SYNE2: variants seen among roughly 807,000 people sequenced by gnomAD.
SYNE2 encodes the protein nesprin-2.
SYNE2 carries 431 observed loss-of-function variants against 856.3 expected under a neutral mutation model. The ratio of observed to expected loss-of-function variants is 0.50; its 90% CI spans 0.47 to 0.55. SYNE2 has a LOEUF of 0.55. SYNE2 is among the 20% of genes least tolerant of loss of function. SYNE2 has a pLI of 0.00. For synonymous variants in SYNE2, 2,923 were observed against 2,872.3 expected (o/e 1.02, Z -0.56); for missense variants, 8,129 against 8,023.2 (o/e 1.01, Z -0.50).
At chr14:64,155,375 G>A (rs1180794570) in intron 85 of SYNE2, among the ~76,000 whole-genome samples, 2 of 152,150 alleles carry the variant, frequency 1.3e-5, no homozygotes, top group Non-Finnish European at 1.5e-5. Flanking sequence ...CATATTGTTT[G>A]ATTCTGTTTA....
At chr14:64,075,789 C>T in intron 53 of SYNE2, 156 bp from the exon 54 acceptor site, 1 of 726,028 alleles carries the variant, frequency 1.4e-6, no homozygotes. Flanking sequence ...AACTGAGTGT[C>T]TCTGGGGCTT....
Position 64,183,451 on chromosome 14 carries a change from G to A in SYNE2, c.17557-2973G>A, listed in dbSNP as rs1369253790. ...CCCAGACTGGGCAGCCAGGCAGAGG[G>A]GCTCCTCACATCCCAGACGATGGGC... On this transcript the variant is annotated intron_variant, in intron 96 of 115. Coordinates refer to ENST00000555002, the MANE Select transcript of SYNE2 (RefSeq NM_182914.3). Among the ~76,000 whole-genome samples, 3 of 151,524 alleles carry A rather than the reference G, an allele frequency of 2.0e-5. No individual in the cohort carries two copies. The East Asian group carries it at 5.9e-4, about 30-fold the overall frequency.
intron 1 of SYNE2, among the ~76,000 whole-genome samples, chr14:63,881,334 T>A (rs1451923644): frequency 6.6e-6 from 1 of 151,990 alleles, no homozygotes; most frequent in African/African-American, 2.4e-5. Flanking sequence ...GGATGATTGT[T>A]TGTCTTCAGT....
intron 3 of SYNE2, among the ~76,000 whole-genome samples, chr14:63,941,131 A>G (rs936146340): frequency 6.6e-6 from 1 of 152,220 alleles, no homozygotes; most frequent in Admixed American, 6.5e-5. Flanking sequence ...TGTGACTTGC[A>G]TGTGGTCACA....
At position 64,214,486 on chromosome 14, in the gene SYNE2, C is replaced by T; in HGVS notation, c.19333+16C>T. 6.2e-7 allele frequency: 1 copy of T among 1,605,204 alleles called. No homozygotes were observed. The highest frequency in any genetic ancestry group is 8.5e-7 in the Non-Finnish European group (1 of 1,177,772). Reference sequence around the variant, plus strand: ...GCACTGTCAGGTAACAGCTGGGTTCCCAGCACCCTGGAAAGTGACCCGTTT... The same window carrying T: ...GCACTGTCAGGTAACAGCTGGGTTCTCAGCACCCTGGAAAGTGACCCGTTT... On this transcript the variant is annotated intron_variant, in intron 106 of 115. Coordinates refer to ENST00000555002, the MANE Select transcript of SYNE2 (RefSeq NM_182914.3).
rs183609756 is a variant in SYNE2 at position 63,982,755 on chromosome 14, G to A, written c.1962G>A (p.Leu654=). The change falls in exon 17 of 116, where the codon CTG becomes CTA. Residue 654 remains leucine (L), a synonymous_variant. Coordinates refer to ENST00000555002, the MANE Select transcript of SYNE2 (RefSeq NM_182914.3). ...CTATTTCTAAAGAACTGAGAAGGCTGAATAAAAGATGGAGAAAGTTGGTTT... is the reference window on the plus strand; with the variant it reads ...CTATTTCTAAAGAACTGAGAAGGCTAAATAAAAGATGGAGAAAGTTGGTTT... ...GSSISKELRR[L]NKRWRKLVSK... 5.9e-5 allele frequency: 96 copies of A among 1,614,060 alleles called. 1 individual carries two copies. In the African/African-American group the frequency reaches 9.9e-4, roughly 17 times the overall value.
rs1329104189 is a variant in SYNE2, at chr14:64,173,968, GCCTGCGGAGCGGC to G, written c.17236-970_17236-958del. 4.3e-6 allele frequency: 3 copies of G among 693,810 alleles called. No individual in the cohort carries two copies. The African/African-American group carries it at 5.3e-5, about 12-fold the overall frequency. The allele number at this position is 693,810 out of a possible 1,614,324, so 43.0% of individuals were successfully genotyped here. The stretch of plus-strand genomic sequence containing the variant: ...GGACCTTCGCTACTCTCTGCACACT[GCCTGCGGAGCGGC>G]CCTGCTCTGCAGGAGCAGTCACGGA... On this transcript the variant is annotated intron_variant, in intron 94 of 115. Coordinates refer to ENST00000555002, the MANE Select transcript of SYNE2 (RefSeq NM_182914.3).
chr14:63,981,628 C>T (rs1363405004), intron 16 of SYNE2, among the ~76,000 whole-genome samples: 2 of 152,002 alleles, frequency 1.3e-5, no homozygotes, highest in Admixed American at 6.6e-5. Flanking sequence ...ATCAAGATAC[C>T]GTAACTTATG....
chr14:63,877,709 C>T (rs994274703), intron 1 of SYNE2, among the ~76,000 whole-genome samples: 1 of 152,132 alleles, frequency 6.6e-6, no homozygotes, highest in Non-Finnish European at 1.5e-5. Flanking sequence ...ATCAAAGCGG[C>T]GTTATCTTTC....
intron 1 of SYNE2, among the ~76,000 whole-genome samples, chr14:63,908,112 A>G (rs1486285312): frequency 6.6e-6 from 1 of 152,150 alleles, no homozygotes; most frequent in Non-Finnish European, 1.5e-5. Flanking sequence ...GATTGACCGT[A>G]TCTAGCTGTT....
intron 1 of SYNE2, among the ~76,000 whole-genome samples, chr14:63,807,707 C>A (rs1357011226): frequency 2.0e-5 from 3 of 146,446 alleles, no homozygotes; most frequent in Non-Finnish European, 4.5e-5. Context: ...CTCTGTTTCC[C>A]AGGCTGGAGT....
intron 62 of SYNE2, 170 bp downstream of exon 62, chr14:64,098,316 A>C: frequency 1.3e-6 from 1 of 754,410 alleles, no homozygotes; most frequent in Non-Finnish European, 2.3e-6. Context: ...ATAAATCCTC[A>C]GGGTGTGCCT....
At chr14:63,970,610 ATC>A (rs1021125820) in intron 11 of SYNE2, among the ~76,000 whole-genome samples, 6 of 117,640 alleles carry the variant, frequency 5.1e-5, no homozygotes, top group Non-Finnish European at 9.4e-5. Context: ...TGCTTTTTCT[ATC>A]TCTGTTTCTT....
At chr14:64,200,620 CT>C (rs2098557799) in intron 99 of SYNE2, among the ~76,000 whole-genome samples, 1 of 152,184 alleles carries the variant, frequency 6.6e-6, no homozygotes. Context: ...CTGTTACTTT[CT>C]TTTTAATAAA....
Position 63,935,385 on chromosome 14 carries a change from C to G in SYNE2, c.80-5229C>G, listed in dbSNP as rs555016234. ...GTGAGGCTTGGTGCATCTTTAATCT[C>G]TAATCAGTTGCAATATTTACTAGGC... On this transcript the variant is annotated intron_variant, in intron 2 of 115. Transcript: ENST00000555002. 7.2e-5 allele frequency among the ~76,000 whole-genome samples: 11 copies of G among 152,300 alleles called. No individual in the cohort carries two copies. In the South Asian group the frequency reaches 2.3e-3, roughly 32 times the overall value.
intron 2 of SYNE2, among the ~76,000 whole-genome samples, chr14:63,914,020 A>T (rs7152280): frequency 0.54 from 81,749 of 152,014 alleles, 23,324 homozygotes; most frequent in South Asian, 0.73. Context: ...GCTTCTTTAA[A>T]AATTATTTGC....
At chr14:64,083,948 G>A (rs1158177675) in intron 57 of SYNE2, among the ~76,000 whole-genome samples, 1 of 150,474 alleles carries the variant, frequency 6.6e-6, no homozygotes, top group East Asian at 1.9e-4. Context: ...TTTTGAGACG[G>A]AGTTTCACTC....
intron 96 of SYNE2, among the ~76,000 whole-genome samples, chr14:64,184,329 G>GGTGT (rs767980383): frequency 0.14 from 20,205 of 144,098 alleles, 1,658 homozygotes; most frequent in East Asian, 0.42. Flanking sequence ...TATGCATAGG[G>GGTGT]GTGTGTGTGT....
At position 64,093,443 on chromosome 14, in the gene SYNE2, T is replaced by C. The variant is rs374705118; in HGVS notation, c.12071T>C (p.Met4024Thr). 3 of 1,614,076 alleles carry C rather than the reference T, an allele frequency of 1.9e-6. No homozygotes were observed. The highest frequency in any genetic ancestry group is 1.7e-5 in the Admixed American group (1 of 60,002). ...NYSAQFSLEH[M>T]SPDQADKLPQ... is the part of the protein sequence containing the mutation. ...TCAGCTCAGTTCTCCCTTGAACATA[T>C]GTCACCAGACCAAGCTGACAAGCTG... is the stretch of plus-strand genomic sequence containing the variant. The change falls in exon 61 of 116, where the codon ATG becomes ACG. Residue 4024 changes from methionine to threonine, a missense_variant. Physicochemically the swap from Met to Thr is moderately conservative, Grantham distance 81 (BLOSUM62 -1). Coordinates refer to ENST00000555002, the MANE Select transcript of SYNE2 (RefSeq NM_182914.3).
Sources: gnomAD v4.1 joint callset for allele counts (sites outside exome capture counted in the v4.1 genomes callset) on GRCh38, gnomAD v4.1.1 for gene constraint, MANE v1.5 for transcripts, NCBI Gene and HGNC (gene_info 2026-07-23, HGNC 2026-07-21) for gene names.